Variants in MARCHF8 observed in about 807,000 individuals in gnomAD.
MARCHF8 encodes membrane associated ring-CH-type finger 8.
MARCHF8 carries 40 observed loss-of-function variants against 51.6 expected under a neutral mutation model. That is an observed-to-expected ratio of 0.77 (90% CI 0.60 to 1.01). The LOEUF is 1.01. Among genes scored for constraint, MARCHF8 ranks in the 50% least tolerant of loss-of-function variants. The pLI is 0.00. For missense variants in MARCHF8, 685 were observed against 708.6 expected (o/e 0.97, Z 0.38); for synonymous variants, 263 against 280.3 (o/e 0.94, Z 0.62).
Position 45,463,566 on chromosome 10 carries a change from G to C in MARCHF8, c.673C>G (p.Arg225Gly). ...HSCVSCLSAG[R>G]STASEVEAGK... Reference sequence around the variant, plus strand: ...GCTTCCACCTCTGAGGCAGTTGAGCGACCGGCAGAAAGGCATGAAACACAA... The same window carrying C: ...GCTTCCACCTCTGAGGCAGTTGAGCCACCGGCAGAAAGGCATGAAACACAA... Residue 225 changes from arginine to glycine, a missense_variant, in exon 5 of 8, where the codon CGC (arginine) becomes GGC (glycine). By Grantham distance (125) the Arg-to-Gly change is moderately radical (BLOSUM62 -2). Coordinates refer to ENST00000453424, the MANE Select transcript of MARCHF8 (RefSeq NM_001282866.2). 1 of 1,550,662 alleles carries C rather than the reference G, an allele frequency of 6.4e-7. No individual in the cohort carries two copies. Among genetic ancestry groups the C allele is most frequent in the Admixed American group, 2.0e-5 (1 of 51,018 alleles).
chr10:45,562,181 A>G (rs144325242), intron 1 of MARCHF8, among the ~76,000 whole-genome samples: 74 of 152,302 alleles, frequency 4.9e-4, no homozygotes, highest in African/African-American at 1.7e-3. Context: ...CACATGACTA[A>G]TTTAAGTCCT....
chr10:45,470,975 C>T (rs1332121700), intron 3 of MARCHF8, among the ~76,000 whole-genome samples: 1 of 152,184 alleles, frequency 6.6e-6, no homozygotes. Flanking sequence ...CATTCTGTGG[C>T]TTTTCTGTGG....
At chr10:45,539,501 G>C (rs35629170), upstream of MARCHF8, among the ~76,000 whole-genome samples, 69 of 152,128 alleles carry the variant, frequency 4.5e-4, no homozygotes, top group Non-Finnish European at 6.8e-4. Flanking sequence ...AGACACAAAA[G>C]ACCCTTCAAA....
At chr10:45,530,401 C>A (rs1267115631) in intron 2 of MARCHF8, among the ~76,000 whole-genome samples, 1 of 152,162 alleles carries the variant, frequency 6.6e-6, no homozygotes, top group Non-Finnish European at 1.5e-5. Flanking sequence ...ATATGAGAAA[C>A]TGGGTGTCAG....
chr10:45,525,502 A>G (rs1264934286), intron 2 of MARCHF8, among the ~76,000 whole-genome samples: 1 of 152,326 alleles, frequency 6.6e-6, no homozygotes, highest in East Asian at 1.9e-4. Flanking sequence ...AGACATGTAG[A>G]AGAATTCCAG....
intron 2 of MARCHF8, among the ~76,000 whole-genome samples, chr10:45,500,448 G>A (rs929852943): frequency 6.6e-6 from 1 of 152,042 alleles, no homozygotes; most frequent in Non-Finnish European, 1.5e-5. Context: ...TGCTCAGCTA[G>A]GATTTCCAGT....
chr10:45,505,776 A>C (rs1194289221), intron 2 of MARCHF8, among the ~76,000 whole-genome samples: 1 of 152,228 alleles, frequency 6.6e-6, no homozygotes, highest in African/African-American at 2.4e-5. Flanking sequence ...AGCAACTATA[A>C]ATAGTCTGGT....
chr10:45,520,246 T>C (rs1379760373), intron 2 of MARCHF8, among the ~76,000 whole-genome samples: 3 of 152,318 alleles, frequency 2.0e-5, no homozygotes, highest in Admixed American at 2.0e-4. Context: ...ATGTAAGTGT[T>C]AGCCATTATT....
At chr10:45,542,096 A>G (rs1391842967) in intron 1 of MARCHF8, among the ~76,000 whole-genome samples, 8 of 152,202 alleles carry the variant, frequency 5.3e-5, no homozygotes, top group Non-Finnish European at 8.8e-5. Context: ...CGGTAATCCC[A>G]GCACTCTGGG....
Position 45,557,561 on chromosome 10 carries a change from T to C in MARCHF8, c.-78-24272A>G, listed in dbSNP as rs79391292. Among the ~76,000 whole-genome samples the C allele has an allele frequency of 3.8e-3, 580 of 152,256 alleles. 11 individuals carry two copies. In the East Asian group the frequency reaches 0.052, roughly 14 times the overall value. On this transcript the variant is annotated intron_variant, in intron 1 of 6. Coordinates refer to the MARCHF8 transcript ENST00000319836. Reference sequence around the variant, plus strand: ...GGATCACCAGCACAATAACATCAAATAGAAAACAACCAGTCCTTAAAGAAA... The same window carrying C: ...GGATCACCAGCACAATAACATCAAACAGAAAACAACCAGTCCTTAAAGAAA...
At chr10:45,467,673 T>TACTAGATGGGACAGGACCTC (rs1432405784) in intron 3 of MARCHF8, among the ~76,000 whole-genome samples, 7 of 151,968 alleles carry the variant, frequency 4.6e-5, no homozygotes, top group African/African-American at 1.7e-4. Context: ...GACAGAACCT[T>TACTAGATGGGACAGGACCTC]ACTAGATGGG....
chr10:45,489,547 T>C, intron 2 of MARCHF8, 130 bp from the exon 3 acceptor site: 1 of 747,512 alleles, frequency 1.3e-6, no homozygotes, highest in East Asian at 2.6e-5. Context: ...CAACCTACTA[T>C]ATACTAGATG....
chr10:45,573,680 T>C (rs1296885852), intron 1 of MARCHF8, among the ~76,000 whole-genome samples: 1 of 152,220 alleles, frequency 6.6e-6, no homozygotes, highest in East Asian at 1.9e-4. Flanking sequence ...GGCTAAAGAC[T>C]GATGCTGCCC....
chr10:45,548,317 G>C (rs1019055543), intron 1 of MARCHF8, among the ~76,000 whole-genome samples: 7 of 152,198 alleles, frequency 4.6e-5, no homozygotes, highest in African/African-American at 1.4e-4. Flanking sequence ...GTAACAGAGA[G>C]ACACCACAGC....
intron 2 of MARCHF8, among the ~76,000 whole-genome samples, chr10:45,530,680 G>A (rs1202049717): frequency 6.6e-6 from 1 of 152,168 alleles, no homozygotes; most frequent in African/African-American, 2.4e-5. Flanking sequence ...GGTTGAGGCA[G>A]GAGGATCATT....
At chr10:45,517,456 T>C (rs1589144089) in intron 2 of MARCHF8, among the ~76,000 whole-genome samples, 1 of 152,294 alleles carries the variant, frequency 6.6e-6, no homozygotes, top group East Asian at 1.9e-4. Context: ...CTTGGTGCTG[T>C]CCTCATGATA....
intron 2 of MARCHF8, among the ~76,000 whole-genome samples, chr10:45,515,177 A>G (rs1430282426): frequency 6.6e-6 from 1 of 152,174 alleles, no homozygotes; most frequent in East Asian, 1.9e-4. Context: ...AAAGAAGTCA[A>G]TTTTCTGCAA....
chr10:45,479,615 T>C (rs2042849880), intron 3 of MARCHF8, among the ~76,000 whole-genome samples: 1 of 152,182 alleles, frequency 6.6e-6, no homozygotes, highest in African/African-American at 2.4e-5. Context: ...TGAAATCTCA[T>C]TTTGTAAGGG....
intron 4 of MARCHF8, 108 bp from the exon 5 acceptor site, chr10:45,464,104 A>C: frequency 6.6e-7 from 1 of 1,521,342 alleles, no homozygotes. Flanking sequence ...TGGTGAGCAA[A>C]CCACACATAA....
Sources: allele counts gnomAD v4.1 joint callset (sites outside exome capture counted in the v4.1 genomes callset), GRCh38; gene constraint gnomAD v4.1.1; transcripts MANE v1.5; gene names NCBI Gene and HGNC (gene_info 2026-07-23, HGNC 2026-07-21).